EIF3G: variants seen among roughly 807,000 people sequenced by gnomAD.
The protein encoded by EIF3G is eukaryotic translation initiation factor 3 RNA-binding subunit.
In EIF3G, 10 loss-of-function variants were observed where a neutral mutation model predicts 41.7. The ratio of observed to expected loss-of-function variants is 0.24; its 90% CI spans 0.15 to 0.41. The LOEUF is 0.41. Ranked by LOEUF, EIF3G falls within the 10% of genes least tolerant of loss-of-function variation. The pLI, the probability that EIF3G is intolerant of heterozygous loss-of-function variation, is 1.00. For synonymous variants in EIF3G, 204 were observed against 172.5 expected, an observed-to-expected ratio of 1.18 and a Z score of -1.43; for missense variants, 297 against 444.0, an observed-to-expected ratio of 0.67 and a Z score of 2.98.
At position 10,117,203 on chromosome 19, in the gene EIF3G, G is replaced by A. The variant is rs1268843152; in HGVS notation, c.301-15C>T. On this transcript the variant is annotated splice_polypyrimidine_tract_variant and intron_variant, in intron 5 of 10. Transcript: ENST00000253108. The stretch of plus-strand genomic sequence containing the variant: ...TTCTTCCAGTTCTGGGCTCAGGGAG[G>A]GATGGGGGACAGTTGAGGGCAGGGG... 5.0e-6 allele frequency: 8 copies of A among 1,592,952 alleles called. No homozygotes were observed. In the African/African-American group the frequency reaches 1.1e-4, roughly 21 times the overall value.
chr19:10,118,469 G>T lies in EIF3G; in HGVS notation c.300+199C>A, dbSNP rs756263544. The T allele has an allele frequency of 1.2e-5, 7 of 594,704 alleles. No homozygotes were observed. The East Asian group carries it at 2.1e-4, about 18-fold the overall frequency. 36.8% of individuals were successfully genotyped at this position (594,704 alleles called of 1,614,324 possible). ...AACCCCAGCTACTCGGGAGGCTGAG[G>T]CAGGAGAATCACTTGAACCCAGGAG... On this transcript the variant is annotated intron_variant, in intron 5 of 10. Transcript: ENST00000253108.
In EIF3G at chr19:10,119,704, C is replaced by T. The variant is rs200746408; in HGVS notation, c.21-4G>A. On this transcript the variant is annotated splice_polypyrimidine_tract_variant and splice_region_variant and intron_variant, in intron 1 of 10. Coordinates refer to ENST00000253108, the MANE Select transcript of EIF3G (RefSeq NM_003755.5). The stretch of plus-strand genomic sequence containing the variant: ...GTCGGCCCAACTGGGCTTCGAACTG[C>T]GGAAACAAATGTGTGGGGAACGAAG... 1.3e-3 allele frequency: 2,089 copies of T among 1,607,344 alleles called. No homozygotes were observed. Among genetic ancestry groups the T allele is most frequent in the Non-Finnish European group, 1.7e-3 (1,981 of 1,175,036 alleles).
At chr19:10,118,614 G>T in intron 5 of EIF3G, 54 bp downstream of exon 5, 2 of 1,589,040 alleles carry the variant, frequency 1.3e-6, no homozygotes, top group Non-Finnish European at 8.6e-7. Context: ...CACAAAGTCC[G>T]GGAGCACGGT....
chr19:10,119,715 G>A lies in EIF3G; in HGVS notation c.21-15C>T. On this transcript the variant is annotated splice_polypyrimidine_tract_variant and intron_variant, in intron 1 of 10. Coordinates refer to ENST00000253108, the MANE Select transcript of EIF3G (RefSeq NM_003755.5). Reference sequence around the variant, plus strand: ...TGGGCTTCGAACTGCGGAAACAAATGTGTGGGGAACGAAGATTAAGTCAGC... The same window carrying A: ...TGGGCTTCGAACTGCGGAAACAAATATGTGGGGAACGAAGATTAAGTCAGC... 1 of 1,610,670 alleles carries A rather than the reference G, an allele frequency of 6.2e-7. No individual in the cohort carries two copies. Among genetic ancestry groups the A allele is most frequent in the South Asian group, 1.1e-5 (1 of 90,974 alleles).
Position 10,119,126 on chromosome 19 carries a change from G to A in EIF3G, c.113C>T (p.Thr38Ile). 4 of 1,601,920 alleles carry A rather than the reference G, an allele frequency of 2.5e-6. No individual in the cohort carries two copies. Among genetic ancestry groups the A allele is most frequent in the Non-Finnish European group, 3.4e-6 (4 of 1,173,506 alleles). ...CTCTGGCTCTGGGCTGGTGTCACCT[G>A]TGGCCAGAGGGATCCCCTTGAGGAG... ...SELLKGIPLA[T>I]GDTSPEPELL... The change falls in exon 3 of 11, where the codon ACA (threonine) becomes ATA (isoleucine). Residue 38 changes from threonine to isoleucine, a missense_variant. This residue lies in a region of EIF3G where 147 missense variants were observed against 162.4 expected (regional missense o/e 0.91). Transcript: ENST00000253108.
chr19:10,119,293 G>A lies in EIF3G; in HGVS notation c.68-122C>T, dbSNP rs960851897. On this transcript the variant is annotated intron_variant, in intron 2 of 10. Coordinates refer to ENST00000253108, the MANE Select transcript of EIF3G (RefSeq NM_003755.5). ...CGGAGAAAGGCAGGCCAAGGGCAGA[G>A]GGCTGGCCAGGCAACGCACTGGGAT... 6 of 1,125,770 alleles carry A rather than the reference G, an allele frequency of 5.3e-6. No homozygotes were observed. In the African/African-American group the frequency reaches 6.2e-5, roughly 12 times the overall value. The allele number at this position is 1,125,770 out of a possible 1,614,324, so 69.7% of individuals were successfully genotyped here.
At chr19:10,117,267 C>A (rs540181652) in intron 5 of EIF3G, 79 bp from the exon 6 acceptor site, 18 of 1,015,770 alleles carry the variant, frequency 1.8e-5, no homozygotes, top group Non-Finnish European at 2.6e-5. Flanking sequence ...AGACCTACAA[C>A]AGCCACCCCC....
At chr19:10,117,403 C>T (rs749376845) in intron 5 of EIF3G, 47 of 548,362 alleles carry the variant, frequency 8.6e-5, no homozygotes, top group Middle Eastern at 4.8e-4. Context: ...TGTCAGCCTC[C>T]GGGTCCAGGT....
At chr19:10,119,213 C>A (rs779590787) in intron 2 of EIF3G, 42 bp from the exon 3 acceptor site, 3 of 1,548,304 alleles carry the variant, frequency 1.9e-6, no homozygotes, top group South Asian at 2.4e-5. Flanking sequence ...GCTCCAGGGG[C>A]AGGAGCTCCC....
chr19:10,119,591 G>A lies in EIF3G; in HGVS notation c.67+63C>T, dbSNP rs752593514. On this transcript the variant is annotated intron_variant, in intron 2 of 10. Coordinates refer to ENST00000253108, the MANE Select transcript of EIF3G (RefSeq NM_003755.5). ...CACGGTGCCAGACTGGGAGATGGAA[G>A]CAGGCGGCAGTCACACGGCTTGGGC... 3 of 1,533,844 alleles carry A rather than the reference G, an allele frequency of 2.0e-6. No homozygotes were observed. The South Asian group carries it at 3.8e-5, about 19-fold the overall frequency.
chr19:10,115,920 T>G (rs2089238817), intron 8 of EIF3G, 47 bp downstream of exon 8: 3 of 1,606,180 alleles, frequency 1.9e-6, no homozygotes, highest in Non-Finnish European at 2.6e-6. Flanking sequence ...AATTACGAGG[T>G]GCCGGGAGGT....
Position 10,116,601 on chromosome 19 carries a change from A to C in EIF3G, c.595+199T>G. The C allele has an allele frequency of 1.7e-6, 1 of 571,978 alleles. No homozygotes were observed. The highest frequency in any genetic ancestry group is 2.6e-5 in the South Asian group (1 of 39,192). 35.4% of individuals were successfully genotyped at this position (571,978 alleles called of 1,614,324 possible). A position where few individuals can be genotyped will look rare whatever the true frequency, so the allele number is the denominator to read the frequency against. ...CAGTCACAGGGCCACCAGCAAAGTCACAGCTGCCAAGTCGCACATATATGG... is the reference window on the plus strand; with the variant it reads ...CAGTCACAGGGCCACCAGCAAAGTCCCAGCTGCCAAGTCGCACATATATGG... On this transcript the variant is annotated intron_variant, in intron 7 of 10. Transcript: ENST00000253108. The surrounding 1 kb of genome is among the most constrained non-coding windows in gnomAD (Gnocchi z 4.1).
chr19:10,119,314 G>A, intron 2 of EIF3G, 143 bp from the exon 3 acceptor site: 1 of 966,964 alleles, frequency 1.0e-6, no homozygotes, highest in Non-Finnish European at 1.6e-6. Flanking sequence ...GCAACGCACT[G>A]GGATGGCCCT....
At chr19:10,119,592 C>G in intron 2 of EIF3G, 62 bp downstream of exon 2, 5 of 1,535,878 alleles carry the variant, frequency 3.3e-6, no homozygotes, top group Non-Finnish European at 4.4e-6. Flanking sequence ...GAGATGGAAG[C>G]AGGCGGCAGT....
In EIF3G at chr19:10,119,823, C is replaced by T. The variant is rs756527105; in HGVS notation, c.20+17G>A. The T allele has an allele frequency of 1.2e-6, 2 of 1,614,092 alleles. No homozygotes were observed. Among genetic ancestry groups the T allele is most frequent in the Admixed American group, 3.3e-5 (2 of 60,002 alleles). On this transcript the variant is annotated intron_variant, in intron 1 of 10. Transcript: ENST00000253108. Reference sequence around the variant, plus strand: ...CCCAACCGCTTCCCGTGCCCCTTTCCGCGATCGCCGACTCACTCAAAGTCT... The same window carrying T: ...CCCAACCGCTTCCCGTGCCCCTTTCTGCGATCGCCGACTCACTCAAAGTCT...
At chr19:10,115,637 G>T in intron 9 of EIF3G, 47 bp downstream of exon 9, 2 of 1,611,630 alleles carry the variant, frequency 1.2e-6, no homozygotes, top group South Asian at 1.1e-5. Context: ...GCGACCCTAG[G>T]ACAAGTGACC....
intron 10 of EIF3G, 163 bp from the exon 11 acceptor site, chr19:10,115,292 G>A (rs2089222103): frequency 2.7e-6 from 3 of 1,126,810 alleles, no homozygotes; most frequent in Non-Finnish European, 3.7e-6. Flanking sequence ...CCACGGACTG[G>A]CAGGGACCCC....
In EIF3G at chr19:10,117,284, T is replaced by C. The variant is rs1171986150; in HGVS notation, c.301-96A>G. Reference sequence around the variant, plus strand: ...ACCTACAACAGCCACCCCCAGAGTGTCTGGGCCTCAAACCCCATCTTCATC... The same window carrying C: ...ACCTACAACAGCCACCCCCAGAGTGCCTGGGCCTCAAACCCCATCTTCATC... On this transcript the variant is annotated intron_variant, in intron 5 of 10. Coordinates refer to ENST00000253108, the MANE Select transcript of EIF3G (RefSeq NM_003755.5). 1.3e-5 allele frequency: 11 copies of C among 861,672 alleles called. No individual in the cohort carries two copies. The Admixed American group carries it at 2.7e-4, about 21-fold the overall frequency. The allele number at this position is 861,672 out of a possible 1,614,324, so 53.4% of individuals were successfully genotyped here. A position where few individuals can be genotyped will look rare whatever the true frequency, so the allele number is the denominator to read the frequency against.
rs1203576607 is a variant in EIF3G, at chr19:10,119,514, A to G, written c.67+140T>C. On this transcript the variant is annotated intron_variant, in intron 2 of 10. Coordinates refer to ENST00000253108, the MANE Select transcript of EIF3G (RefSeq NM_003755.5). The stretch of plus-strand genomic sequence containing the variant: ...CCGGGGAACACCTGGAGTTGGCAAC[A>G]GGCGGGTCCCAAGGAGGATGGCGCG... 8 of 1,121,284 alleles carry G rather than the reference A, an allele frequency of 7.1e-6. No individual in the cohort carries two copies. In the Admixed American group the frequency reaches 1.6e-4, roughly 23 times the overall value. 69.5% of individuals were successfully genotyped at this position (1,121,284 alleles called of 1,614,324 possible).
Sources: gnomAD v4.1 joint callset for allele counts on GRCh38, gnomAD v4.1.1 for gene constraint, gnomAD v4.1.1 regional missense constraint, Gnocchi (gnomAD v3.1) non-coding constraint, MANE v1.5 for transcripts, NCBI Gene and HGNC (gene_info 2026-07-23, HGNC 2026-07-21) for gene names.